The following CAPZB variants were observed in gnomAD, a reference collection of about 807,000 sequenced individuals.
The protein encoded by CAPZB is capping actin protein of muscle Z-line subunit beta.
Under a neutral mutation model 38.1 loss-of-function variants are expected in CAPZB, and 2 were observed. The observed-to-expected ratio is 0.05, with a 90% CI of 0.02 to 0.17. The LOEUF is 0.17. Ranked by LOEUF, CAPZB falls within the 10% of genes least tolerant of loss-of-function variation. The pLI is 1.00. For synonymous variants in CAPZB, 107 were observed against 127.4 expected (o/e 0.84, Z 1.08); for missense variants, 161 against 334.2 (o/e 0.48, Z 4.04).
intron 1 of CAPZB, chr1:19,484,107 C>CA (rs754859349): frequency 6.8e-7 from 1 of 1,470,890 alleles, no homozygotes; most frequent in Non-Finnish European, 9.2e-7. Flanking sequence ...CCAGGTTCCT[C>CA]AAAAGTCTGG....
chr1:19,358,803 C>T (rs1023442672), intron 4 of CAPZB, among the ~76,000 whole-genome samples: 1 of 152,246 alleles, frequency 6.6e-6, no homozygotes, highest in Non-Finnish European at 1.5e-5. Context: ...AGCCCCAAAG[C>T]CACGGTGTGG....
chr1:19,344,290 G>A (rs57405512), intron 8 of CAPZB, 68 bp downstream of exon 8: 1 of 1,286,058 alleles, frequency 7.8e-7, no homozygotes, highest in Non-Finnish European at 1.1e-6. Flanking sequence ...CACACAGCTA[G>A]TAACTGGCAG....
At chr1:19,359,207 ACT>A (rs1214745560) in intron 4 of CAPZB, among the ~76,000 whole-genome samples, 5 of 106,396 alleles carry the variant, frequency 4.7e-5, no homozygotes, top group South Asian at 6.6e-4. Flanking sequence ...AATTCTCTGT[ACT>A]CTTTTTTTTT....
intron 1 of CAPZB, among the ~76,000 whole-genome samples, chr1:19,471,158 A>T (rs901793319): frequency 3.9e-5 from 6 of 152,238 alleles, no homozygotes; most frequent in African/African-American, 1.4e-4. Flanking sequence ...AACATACCAT[A>T]ATAAAAGCTA....
At chr1:19,346,488 G>C (rs1302299178) in intron 6 of CAPZB, among the ~76,000 whole-genome samples, 1 of 142,698 alleles carries the variant, frequency 7.0e-6, no homozygotes, top group African/African-American at 2.6e-5. Flanking sequence ...AGAAAGGGTA[G>C]AGTTCAAAAT....
At chr1:19,386,250 G>A (rs769783288) in intron 2 of CAPZB, among the ~76,000 whole-genome samples, 3 of 152,194 alleles carry the variant, frequency 2.0e-5, no homozygotes, top group African/African-American at 7.2e-5. Flanking sequence ...TGACCCCGCG[G>A]TCGGGGGCTG....
intron 8 of CAPZB, among the ~76,000 whole-genome samples, chr1:19,343,716 G>A (rs567933345): frequency 6.6e-6 from 1 of 152,370 alleles, no homozygotes; most frequent in South Asian, 2.1e-4. Context: ...GTCCGCCGTG[G>A]ACCTGGAGGG....
chr1:19,452,270 G>A (rs960515384), intron 1 of CAPZB, among the ~76,000 whole-genome samples: 5 of 152,000 alleles, frequency 3.3e-5, no homozygotes, highest in Admixed American at 1.3e-4. Context: ...CTGCTCCCCC[G>A]CAACGGCTCT....
In CAPZB at chr1:19,342,081, C is replaced by T. The variant is rs376589943; in HGVS notation, c.731+2277G>A. 8.5e-5 allele frequency among the ~76,000 whole-genome samples: 13 copies of T among 152,384 alleles called. 2 individuals carry two copies. On this transcript the variant is annotated intron_variant, in intron 8 of 8. Coordinates refer to ENST00000264202, the MANE Select transcript of CAPZB (RefSeq NM_004930.5). ...TCTTGGCCATTACCAACAAGCAAGACTATTTTCCTTTCCATTAGCGAAACC... is the reference window on the plus strand; with the variant it reads ...TCTTGGCCATTACCAACAAGCAAGATTATTTTCCTTTCCATTAGCGAAACC...
chr1:19,420,761 G>A (rs908960982), intron 1 of CAPZB, among the ~76,000 whole-genome samples: 3 of 152,048 alleles, frequency 2.0e-5, no homozygotes, highest in African/African-American at 7.3e-5. Context: ...TGCATCCTGT[G>A]CTTCACCATA....
intron 2 of CAPZB, among the ~76,000 whole-genome samples, chr1:19,392,093 G>C (rs1301012665): frequency 6.6e-6 from 1 of 151,770 alleles, no homozygotes; most frequent in African/African-American, 2.4e-5. Context: ...CGAAGCAGGA[G>C]AATCACTTGA....
intron 2 of CAPZB, among the ~76,000 whole-genome samples, chr1:19,404,125 C>A (rs374401293): frequency 6.7e-6 from 1 of 150,086 alleles, no homozygotes; most frequent in East Asian, 2.0e-4. Context: ...CCCAGCTACT[C>A]GGGAGGCTGA....
chr1:19,362,393 T>C (rs7354828), intron 4 of CAPZB, among the ~76,000 whole-genome samples: 1 of 152,110 alleles, frequency 6.6e-6, no homozygotes, highest in African/African-American at 2.4e-5. Context: ...TCTGCCAACA[T>C]GCCTGGATAA....
intron 1 of CAPZB, among the ~76,000 whole-genome samples, chr1:19,480,372 C>T (rs551569884): frequency 1.4e-4 from 22 of 152,232 alleles, no homozygotes; most frequent in African/African-American, 5.3e-4. Context: ...AAACTGAGAC[C>T]AAGGGAATTA....
At chr1:19,431,913 CA>C (rs1464831852) in intron 1 of CAPZB, among the ~76,000 whole-genome samples, 5 of 150,576 alleles carry the variant, frequency 3.3e-5, no homozygotes, top group South Asian at 2.1e-4. Flanking sequence ...CCCGTCTCTA[CA>C]AAAAACTTTT....
intron 6 of CAPZB, among the ~76,000 whole-genome samples, chr1:19,349,958 C>T (rs565407447): frequency 6.6e-6 from 1 of 152,372 alleles, no homozygotes; most frequent in South Asian, 2.1e-4. Flanking sequence ...ATTATTACAT[C>T]CTTATAAAAG....
intron 2 of CAPZB, among the ~76,000 whole-genome samples, chr1:19,386,890 G>T (rs138780834): frequency 2.6e-5 from 4 of 152,228 alleles, no homozygotes; most frequent in Admixed American, 1.3e-4. Flanking sequence ...TGTGTACAAT[G>T]TGCTGGGCTT....
At chr1:19,342,729 C>T (rs1164924729) in intron 8 of CAPZB, 1 of 1,469,716 alleles carries the variant, frequency 6.8e-7, no homozygotes, top group Admixed American at 1.7e-5. Flanking sequence ...TGGGGAGGGT[C>T]TCGCGGCTCT....
In CAPZB at chr1:19,357,899, G is replaced by A. The variant is rs976989934; in HGVS notation, c.330-336C>T. ...CGACTGACATCCAGTGACAATCCAT[G>A]CAGGCCATGACTACTGGAGTCACCA... On this transcript the variant is annotated intron_variant, in intron 4 of 8. Coordinates refer to ENST00000264202, the MANE Select transcript of CAPZB (RefSeq NM_004930.5). This position sits in a 1 kb window ranked among gnomAD's most constrained non-coding sequence, Gnocchi z 4.3. 6.6e-6 allele frequency among the ~76,000 whole-genome samples: 1 copy of A among 152,098 alleles called. No individual in the cohort carries two copies. Among genetic ancestry groups the A allele is most frequent in the East Asian group, 1.9e-4 (1 of 5,198 alleles).
Sources: allele counts gnomAD v4.1 joint callset (sites outside exome capture counted in the v4.1 genomes callset), GRCh38; gene constraint gnomAD v4.1.1; non-coding constraint Gnocchi (gnomAD v3.1); transcripts MANE v1.5; gene names NCBI Gene and HGNC (gene_info 2026-07-23, HGNC 2026-07-21).